Variants in CYP3A5 observed in about 807,000 individuals in gnomAD.
CYP3A5 encodes the protein cytochrome P450 family 3 subfamily A member 5.
Under a neutral mutation model 55.9 loss-of-function variants are expected in CYP3A5, and 51 were observed. The ratio of observed to expected loss-of-function variants is 0.91; its 90% CI spans 0.73 to 1.15. CYP3A5 has a LOEUF of 1.15. Ranked by LOEUF, CYP3A5 falls within the 50% of genes most tolerant of loss-of-function variation. The probability of loss-of-function intolerance (pLI) is 0.00; values close to 1 mark genes in which losing one functional copy is unlikely to be tolerated. For missense variants in CYP3A5, 533 were observed against 596.6 expected (o/e 0.89, Z 1.11); for synonymous variants, 196 against 213.9 (o/e 0.92, Z 0.73).
rs1809297964 is a variant in CYP3A5, at chr7:99,652,547, T to A, written c.1253+6A>T. 1 of 1,596,400 alleles carries A rather than the reference T, an allele frequency of 6.3e-7. No individual in the cohort carries two copies. Among genetic ancestry groups the A allele is most frequent in the African/African-American group, 1.3e-5 (1 of 74,652 alleles). ...GGGTGAGCTCCATTTCCCTGGAGACTTGTACCTTTCAGGGCGGAACTCCTC... is the reference window on the plus strand; with the variant it reads ...GGGTGAGCTCCATTTCCCTGGAGACATGTACCTTTCAGGGCGGAACTCCTC... On this transcript the variant is annotated splice_donor_region_variant and intron_variant, in intron 11 of 12. Transcript: ENST00000222982.
intron 6 of CYP3A5, among the ~76,000 whole-genome samples, chr7:99,665,520 G>GCT (rs1378704709): frequency 6.6e-6 from 1 of 152,192 alleles, no homozygotes; most frequent in Non-Finnish European, 1.5e-5. Flanking sequence ...TGGGGGTGAT[G>GCT]GAGACACCAA....
chr7:99,666,633 T>C lies in CYP3A5; in HGVS notation c.489A>G (p.Glu163=). ...GDVLVRNLRR[E]AEKGKPVTLK... ...AGGTGACAGGCTTGCCTTTCTCTGC[T>C]TCCCGCCTCAAGTTTCTCACCAATA... The change falls in exon 6 of 13, where the codon GAA becomes GAG. Residue 163 remains glutamate, a synonymous_variant. Coordinates refer to ENST00000222982, the MANE Select transcript of CYP3A5 (RefSeq NM_000777.5). The C allele has an allele frequency of 6.2e-7, 1 of 1,613,984 alleles. No homozygotes were observed. The highest frequency in any genetic ancestry group is 8.5e-7 in the Non-Finnish European group (1 of 1,179,896).
intron 10 of CYP3A5, chr7:99,660,097 A>G (rs1017512863): frequency 3.5e-6 from 2 of 577,030 alleles, no homozygotes; most frequent in Non-Finnish European, 2.2e-6. Context: ...AACAATCCCC[A>G]TTGAGATGCA....
intron 11 of CYP3A5, among the ~76,000 whole-genome samples, chr7:99,651,492 C>T (rs1029640204): frequency 2.0e-5 from 3 of 152,060 alleles, no homozygotes; most frequent in East Asian, 3.9e-4. Flanking sequence ...TTGCAGGAAA[C>T]ATAGAAGTCC....
intron 1 of CYP3A5, 32 bp from the exon 2 acceptor site, chr7:99,676,240 G>T (rs754123015): frequency 2.5e-6 from 4 of 1,611,816 alleles, no homozygotes; most frequent in Non-Finnish European, 3.4e-6. Flanking sequence ...AGGTCACAGG[G>T]ATTGTGACTT....
At chr7:99,648,643 G>A (rs1327190612) in intron 12 of CYP3A5, among the ~76,000 whole-genome samples, 6 of 150,530 alleles carry the variant, frequency 4.0e-5, no homozygotes, top group African/African-American at 1.2e-4. Flanking sequence ...CCAGGCCTGA[G>A]ACAAATTCTT....
intron 4 of CYP3A5, among the ~76,000 whole-genome samples, chr7:99,668,069 A>G (rs1811214565): frequency 6.6e-6 from 1 of 152,230 alleles, no homozygotes; most frequent in Admixed American, 6.5e-5. Flanking sequence ...TCTAGAACGA[A>G]TAGGTAAGTT....
intron 8 of CYP3A5, chr7:99,663,540 G>A (rs1810656614): frequency 2.0e-6 from 2 of 991,818 alleles, no homozygotes; most frequent in South Asian, 4.6e-5. Flanking sequence ...GTCAGCAGTC[G>A]GCAGGTAGCC....
chr7:99,668,761 G>T (rs1219373433), intron 4 of CYP3A5, among the ~76,000 whole-genome samples: 1 of 152,226 alleles, frequency 6.6e-6, no homozygotes, highest in East Asian at 1.9e-4. Flanking sequence ...GAGCGCTGCT[G>T]TACACCAGAC....
intron 10 of CYP3A5, 46 bp downstream of exon 10, chr7:99,660,453 C>T (rs377434097): frequency 2.9e-5 from 45 of 1,533,050 alleles, no homozygotes; most frequent in Non-Finnish European, 3.8e-5. Context: ...GGCATTTTTG[C>T]TAAGGCTTCA....
chr7:99,651,174 A>G (rs1693930314), intron 11 of CYP3A5, among the ~76,000 whole-genome samples: 1 of 152,198 alleles, frequency 6.6e-6, no homozygotes, highest in South Asian at 2.1e-4. Flanking sequence ...AACCAGTGAT[A>G]GATATATGGA....
At chr7:99,663,708 G>A (rs1810670780) in intron 8 of CYP3A5, 4 of 1,075,768 alleles carry the variant, frequency 3.7e-6, no homozygotes, top group Non-Finnish European at 3.4e-6. Flanking sequence ...AAGAGAAGTG[G>A]TAAAATTTTA....
intron 4 of CYP3A5, among the ~76,000 whole-genome samples, chr7:99,668,010 G>A (rs1379797495): frequency 3.3e-5 from 5 of 152,142 alleles, no homozygotes. Context: ...CTATTTTCAG[G>A]TGACATAATT....
At chr7:99,660,437 T>C in intron 10 of CYP3A5, 62 bp downstream of exon 10, 1 of 1,519,472 alleles carries the variant, frequency 6.6e-7, no homozygotes, top group Non-Finnish European at 8.8e-7. Context: ...TGGGGAGTGG[T>C]GAGGAGGCAT....
chr7:99,652,532 C>T (rs764075329), intron 11 of CYP3A5, 21 bp downstream of exon 11: 2 of 1,565,478 alleles, frequency 1.3e-6, no homozygotes, highest in Non-Finnish European at 1.7e-6. Flanking sequence ...GGGTGAGCTC[C>T]ATTTCCCTGG....
At chr7:99,668,388 A>G (rs1218480421) in intron 4 of CYP3A5, among the ~76,000 whole-genome samples, 1 of 152,244 alleles carries the variant, frequency 6.6e-6, no homozygotes, top group African/African-American at 2.4e-5. Context: ...AGCTTGTCCA[A>G]CTTGTGGCCT....
chr7:99,665,266 T>C lies in CYP3A5; in HGVS notation c.570A>G (p.Gly190=). The C allele has an allele frequency of 2.5e-6, 4 of 1,614,156 alleles. No individual in the cohort carries two copies. Among genetic ancestry groups the C allele is most frequent in the Non-Finnish European group, 3.4e-6 (4 of 1,180,000 alleles). The change falls in exon 7 of 13, where the codon GGA becomes GGG. Residue 190 remains glycine, a synonymous_variant. Coordinates refer to ENST00000222982, the MANE Select transcript of CYP3A5 (RefSeq NM_000777.5). Reference sequence around the variant, plus strand: ...GATTGTTGAGAGAGTCGATGTTCACTCCAAATGATGTGCCAGTAATCACAT... The same window carrying C: ...GATTGTTGAGAGAGTCGATGTTCACCCCAAATGATGTGCCAGTAATCACAT... ...SMDVITGTSF[G]VNIDSLNNPQ... is the part of the protein sequence containing the mutation.
intron 10 of CYP3A5, among the ~76,000 whole-genome samples, chr7:99,656,867 A>C (rs1416339786): frequency 6.6e-6 from 1 of 152,110 alleles, no homozygotes; most frequent in Non-Finnish European, 1.5e-5. Context: ...GTTTATTTGC[A>C]TAGAGGTGTT....
At chr7:99,654,534 A>G (rs1000203154) in intron 10 of CYP3A5, among the ~76,000 whole-genome samples, 5 of 152,230 alleles carry the variant, frequency 3.3e-5, no homozygotes, top group African/African-American at 7.2e-5. Flanking sequence ...TAGTGCTGCA[A>G]TAAACATAAG....
Sources: allele counts gnomAD v4.1 joint callset (sites outside exome capture counted in the v4.1 genomes callset), GRCh38; gene constraint gnomAD v4.1.1; transcripts MANE v1.5; gene names NCBI Gene and HGNC (gene_info 2026-07-23, HGNC 2026-07-21).